Variants in CRK observed in about 807,000 individuals in gnomAD.
The protein encoded by CRK is CRK proto-oncogene, adaptor protein.
Under a neutral mutation model 29.8 loss-of-function variants are expected in CRK, and 4 were observed. The observed-to-expected ratio is 0.13, with a 90% CI of 0.07 to 0.31. The LOEUF is 0.31. Among genes scored for constraint, CRK ranks in the 10% least tolerant of loss-of-function variants. The pLI is 1.00. For missense variants in CRK, 274 were observed against 396.5 expected (o/e 0.69, Z 2.62); for synonymous variants, 153 against 164.9 (o/e 0.93, Z 0.55).
intron 2 of CRK, among the ~76,000 whole-genome samples, chr17:1,425,688 C>T (rs1042223166): frequency 3.3e-5 from 5 of 152,224 alleles, no homozygotes; most frequent in Admixed American, 6.5e-5. Flanking sequence ...CCAAAGCCAA[C>T]GTAAGTCCAG....
chr17:1,439,963 G>C (rs1375533798), intron 1 of CRK, among the ~76,000 whole-genome samples: 5 of 152,018 alleles, frequency 3.3e-5, no homozygotes, highest in African/African-American at 1.2e-4. Flanking sequence ...GACCAGCGTA[G>C]GCAACACAGC....
At position 1,431,618 on chromosome 17, in the gene CRK, C is replaced by T. The variant is rs187743199; in HGVS notation, c.777+5002G>A. ...ACTAGTTTTTTTTGAGGCAGAGTCT[C>T]ACTCTGTCGCCTAGCCTGGACTGCA... On this transcript the variant is annotated intron_variant, in intron 2 of 2. Coordinates refer to ENST00000300574, the MANE Select transcript of CRK (RefSeq NM_016823.4). 9.2e-5 allele frequency among the ~76,000 whole-genome samples: 14 copies of T among 152,122 alleles called. No homozygotes were observed. In the East Asian group the frequency reaches 2.7e-3, roughly 29 times the overall value.
rs575665030 is a variant in CRK at position 1,430,972 on chromosome 17, G to A, written c.777+5648C>T. The stretch of plus-strand genomic sequence containing the variant: ...AGTCCCAGCTGCTAGGGAGGCTGAG[G>A]CAGGAGAATAGCGTGAACCCTGGAG... On this transcript the variant is annotated intron_variant, in intron 2 of 2. Coordinates refer to ENST00000300574, the MANE Select transcript of CRK (RefSeq NM_016823.4). Among the ~76,000 whole-genome samples, 21 of 152,166 alleles carry A rather than the reference G, an allele frequency of 1.4e-4. No homozygotes were observed. In the East Asian group the frequency reaches 3.9e-3, roughly 28 times the overall value.
intron 1 of CRK, among the ~76,000 whole-genome samples, chr17:1,445,813 A>G (rs1009127996): frequency 1.4e-4 from 21 of 152,218 alleles, no homozygotes; most frequent in African/African-American, 4.6e-4. Flanking sequence ...GGTTCTGATC[A>G]CAGCTGGGTG....
intron 2 of CRK, among the ~76,000 whole-genome samples, chr17:1,424,067 GTTTTTTT>G (rs58338503): frequency 4.6e-5 from 5 of 109,836 alleles, no homozygotes; most frequent in Non-Finnish European, 8.9e-5. Context: ...AGCTTTCTCC[GTTTTTTT>G]TTTTTTTTTT....
At chr17:1,437,820 A>ATTTTTTTT (rs34817166) in intron 1 of CRK, among the ~76,000 whole-genome samples, 1 of 136,774 alleles carries the variant, frequency 7.3e-6, no homozygotes, top group African/African-American at 2.7e-5. Flanking sequence ...TGACAAGCTA[A>ATTTTTTTT]TTTTTTTTTT....
chr17:1,448,297 G>A (rs1022294166), intron 1 of CRK, among the ~76,000 whole-genome samples: 1 of 152,024 alleles, frequency 6.6e-6, no homozygotes, highest in African/African-American at 2.4e-5. Context: ...TCTGCAAAAT[G>A]GGGTCAAATA....
chr17:1,448,158 G>A (rs547994468), intron 1 of CRK, among the ~76,000 whole-genome samples: 1 of 151,758 alleles, frequency 6.6e-6, no homozygotes, highest in African/African-American at 2.4e-5. Flanking sequence ...GAAGATATAT[G>A]GTCTCCTAAG....
At chr17:1,428,861 T>C (rs1291318992) in intron 2 of CRK, among the ~76,000 whole-genome samples, 1 of 150,124 alleles carries the variant, frequency 6.7e-6, no homozygotes, top group East Asian at 2.0e-4. Flanking sequence ...CTCTTTTTTT[T>C]TTAGATGGAG....
rs201648872 is a variant in CRK, at chr17:1,437,058, C to G, written c.339G>C (p.Thr113=). ...FYKIHYLDTT[T]LIEPVSRSRQ... is the part of the protein sequence containing the mutation. ...TGGATCTGGAAACTGGTTCTATCAACGTTGTAGTGTCCAAATAGTGTATTT... is the reference window on the plus strand; with the variant it reads ...TGGATCTGGAAACTGGTTCTATCAAGGTTGTAGTGTCCAAATAGTGTATTT... The change falls in exon 2 of 3, where the codon ACG becomes ACC. Residue 113 remains threonine (T), a synonymous_variant. Transcript: ENST00000300574. 1 of 1,614,038 alleles carries G rather than the reference C, an allele frequency of 6.2e-7. No individual in the cohort carries two copies. The highest frequency in any genetic ancestry group is 8.5e-7 in the Non-Finnish European group (1 of 1,180,044).
chr17:1,424,166 G>C (rs1167064484), intron 2 of CRK, among the ~76,000 whole-genome samples: 3 of 146,360 alleles, frequency 2.0e-5, no homozygotes, highest in Non-Finnish European at 4.5e-5. Context: ...TCCCAGGTTC[G>C]AGCAATTTTC....
chr17:1,452,497 T>C (rs1391055915), intron 1 of CRK, among the ~76,000 whole-genome samples: 4 of 152,124 alleles, frequency 2.6e-5, no homozygotes, highest in Non-Finnish European at 5.9e-5. Flanking sequence ...TCTGAGGTTA[T>C]ACAGACAGGC....
chr17:1,438,578 C>T (rs959541093), intron 1 of CRK, among the ~76,000 whole-genome samples: 1 of 151,856 alleles, frequency 6.6e-6, no homozygotes, highest in Admixed American at 6.6e-5. Flanking sequence ...AGAAACTAGA[C>T]TGTTCGCTAT....
chr17:1,446,884 C>T (rs939013619), intron 1 of CRK, among the ~76,000 whole-genome samples: 5 of 152,200 alleles, frequency 3.3e-5, no homozygotes, highest in Admixed American at 6.6e-5. Context: ...TGAGCCACCA[C>T]GCCCGGCCGT....
At chr17:1,444,598 G>GGT (rs1006212482) in intron 1 of CRK, among the ~76,000 whole-genome samples, 3 of 144,762 alleles carry the variant, frequency 2.1e-5, no homozygotes, top group Non-Finnish European at 4.6e-5. Flanking sequence ...GCCGAAGCGG[G>GGT]GGGGGGGATC....
chr17:1,455,292 C>T (rs1049373778), intron 1 of CRK, among the ~76,000 whole-genome samples: 1 of 152,182 alleles, frequency 6.6e-6, no homozygotes, highest in African/African-American at 2.4e-5. Flanking sequence ...CACCTTCGTC[C>T]TCCACGGGGG....
chr17:1,448,620 CAAAA>C (rs1292024313), intron 1 of CRK, among the ~76,000 whole-genome samples: 1 of 32,360 alleles, frequency 3.1e-5, no homozygotes, highest in South Asian at 1.1e-3. Context: ...GACTCCATCT[CAAAA>C]AAAAAAAAAA....
rs577592486 is a variant in CRK at position 1,435,683 on chromosome 17, A to AT, written c.777+936dup. On this transcript the variant is annotated intron_variant, in intron 2 of 2. Transcript: ENST00000300574. ...CAGGTGCATGCCACCACGCCTGGTG[A>AT]TTTTTTTTTTTCACTTTTTGTTAAA... 3.4e-3 allele frequency among the ~76,000 whole-genome samples: 508 copies of AT among 147,306 alleles called. 2 individuals are homozygous for AT. The highest frequency in any genetic ancestry group is 8.8e-3 in the African/African-American group (356 of 40,262).
Position 1,422,761 on chromosome 17 carries a change from G to C in CRK, c.*752C>G. 1 of 395,350 alleles carries C rather than the reference G, an allele frequency of 2.5e-6. No individual in the cohort carries two copies. The highest frequency in any genetic ancestry group is 4.5e-6 in the Non-Finnish European group (1 of 224,314). The allele number at this position is 395,350 out of a possible 1,614,324, so 24.5% of individuals were successfully genotyped here. ...TTTTGGGGAAGGCAGAGAGCTGGGAGACTGGCTGTCCACTTAGTGAATCCA... is the reference window on the plus strand; with the variant it reads ...TTTTGGGGAAGGCAGAGAGCTGGGACACTGGCTGTCCACTTAGTGAATCCA... On this transcript the variant is annotated 3_prime_UTR_variant, in exon 3 of 3. Coordinates refer to ENST00000300574, the MANE Select transcript of CRK (RefSeq NM_016823.4).
Sources: allele counts gnomAD v4.1 joint callset (sites outside exome capture counted in the v4.1 genomes callset), GRCh38; gene constraint gnomAD v4.1.1; transcripts MANE v1.5; gene names NCBI Gene and HGNC (gene_info 2026-07-23, HGNC 2026-07-21).